The following LDAH variants were observed in gnomAD, a reference collection of about 807,000 sequenced individuals.
The protein encoded by LDAH is lipid droplet associated hydrolase, also known as lipid droplet-associated hydrolase.
In LDAH, 26 loss-of-function variants were observed where a neutral mutation model predicts 29.6. The observed-to-expected ratio is 0.88, with a 90% CI of 0.64 to 1.22. The LOEUF (loss-of-function observed/expected upper bound fraction) is 1.22. LDAH is among the 50% of genes most tolerant of loss of function. The pLI, the probability that LDAH is intolerant of heterozygous loss-of-function variation, is 0.00. For synonymous variants in LDAH, 117 were observed against 133.0 expected (o/e 0.88, Z 0.83); for missense variants, 344 against 387.3 (o/e 0.89, Z 0.94).
chr2:20,685,396 T>C lies in LDAH; in HGVS notation c.*1507A>G. ...TGCAGATGCCAATAAAGGATCTGTGTACAGCCCTGTGCTTACGGCCTATGT... is the reference window on the plus strand; with the variant it reads ...TGCAGATGCCAATAAAGGATCTGTGCACAGCCCTGTGCTTACGGCCTATGT... On this transcript the variant is annotated 3_prime_UTR_variant, in exon 7 of 7. Coordinates refer to ENST00000237822, the MANE Select transcript of LDAH (RefSeq NM_021925.4). 1.0e-6 allele frequency: 1 copy of C among 962,310 alleles called. No homozygotes were observed. The highest frequency in any genetic ancestry group is 2.6e-5 in the East Asian group (1 of 37,758). 59.6% of individuals were successfully genotyped at this position (962,310 alleles called of 1,614,324 possible).
intron 4 of LDAH, among the ~76,000 whole-genome samples, chr2:20,765,785 A>G (rs1158579445): frequency 6.6e-6 from 1 of 152,154 alleles, no homozygotes; most frequent in Non-Finnish European, 1.5e-5. Context: ...GCTTTCTTAC[A>G]CAGCAGCTGG....
chr2:20,766,919 C>G (rs340591), intron 4 of LDAH, among the ~76,000 whole-genome samples: 1 of 152,188 alleles, frequency 6.6e-6, no homozygotes, highest in Non-Finnish European at 1.5e-5. Context: ...GGGGGCTCTG[C>G]GCAGGGCCGC....
chr2:20,768,374 G>A (rs1669182385), intron 4 of LDAH, among the ~76,000 whole-genome samples: 1 of 152,164 alleles, frequency 6.6e-6, no homozygotes, highest in East Asian at 1.9e-4. Context: ...GCATTCCCTG[G>A]TGCCAGCTGG....
chr2:20,732,689 C>A (rs914693486), intron 5 of LDAH, among the ~76,000 whole-genome samples: 2 of 152,040 alleles, frequency 1.3e-5, no homozygotes, highest in South Asian at 2.1e-4. Flanking sequence ...TTCACAGTAG[C>A]CTTTATTATC....
At chr2:20,710,652 T>G (rs371510307) in intron 5 of LDAH, among the ~76,000 whole-genome samples, 4,783 of 135,256 alleles carry the variant, frequency 0.035, 148 homozygotes, top group East Asian at 0.13. Context: ...AGTATACATA[T>G]ATATACACAT....
At chr2:20,817,829 G>A (rs923495117) in intron 1 of LDAH, among the ~76,000 whole-genome samples, 7 of 152,100 alleles carry the variant, frequency 4.6e-5, no homozygotes, top group African/African-American at 1.7e-4. Flanking sequence ...AATAAATAAA[G>A]AAATGCATGA....
intron 4 of LDAH, among the ~76,000 whole-genome samples, chr2:20,747,056 G>A (rs971012048): frequency 6.6e-6 from 1 of 152,004 alleles, no homozygotes; most frequent in Non-Finnish European, 1.5e-5. Flanking sequence ...TAGAAAAGGA[G>A]CTAAGAAACA....
At chr2:20,713,569 C>A (rs2149381177) in intron 5 of LDAH, among the ~76,000 whole-genome samples, 1 of 152,218 alleles carries the variant, frequency 6.6e-6, no homozygotes, top group South Asian at 2.1e-4. Context: ...ACTAAATGCC[C>A]CAATTAAAAG....
intron 5 of LDAH, among the ~76,000 whole-genome samples, chr2:20,713,372 A>C (rs1241099185): frequency 2.6e-5 from 4 of 152,208 alleles, no homozygotes; most frequent in Non-Finnish European, 4.4e-5. Context: ...GCCTTACAAG[A>C]GCTCCTGAAG....
intron 4 of LDAH, among the ~76,000 whole-genome samples, chr2:20,750,285 C>T (rs1667885064): frequency 6.6e-6 from 1 of 152,156 alleles, no homozygotes; most frequent in African/African-American, 2.4e-5. Flanking sequence ...CTCAGCCTCC[C>T]AAAGTGTTGG....
At chr2:20,799,780 C>G (rs1671543020) in intron 2 of LDAH, among the ~76,000 whole-genome samples, 1 of 151,046 alleles carries the variant, frequency 6.6e-6, no homozygotes, top group African/African-American at 2.4e-5. Context: ...TTTTTTTTTC[C>G]TCCTAATGAA....
intron 4 of LDAH, among the ~76,000 whole-genome samples, chr2:20,761,635 T>A (rs956976949): frequency 2.0e-5 from 3 of 152,188 alleles, no homozygotes; most frequent in African/African-American, 7.2e-5. Context: ...TAAGAAGGAC[T>A]GCACTGAACT....
intron 4 of LDAH, among the ~76,000 whole-genome samples, chr2:20,747,492 A>G (rs1444895675): frequency 6.6e-6 from 1 of 152,192 alleles, no homozygotes; most frequent in Non-Finnish European, 1.5e-5. Flanking sequence ...GCCTTCAAAG[A>G]TAAACTTGCT....
chr2:20,726,093 G>A, intron 5 of LDAH, among the ~76,000 whole-genome samples: 1 of 152,196 alleles, frequency 6.6e-6, no homozygotes. Context: ...TGATAAAAGT[G>A]AATAGAAATA....
Position 20,791,579 on chromosome 2 carries a change from T to C in LDAH, c.155-1181A>G, listed in dbSNP as rs544788295. On this transcript the variant is annotated intron_variant, in intron 2 of 6. Transcript: ENST00000237822. ...TTTGTGATGGTGCTTTTGGCTTCTT[T>C]GTCAAATAGGATGAAAACTTCCTCA... Among the ~76,000 whole-genome samples the C allele has an allele frequency of 5.3e-5, 8 of 152,344 alleles. No individual in the cohort carries two copies. The East Asian group carries it at 1.3e-3, about 26-fold the overall frequency.
At chr2:20,719,653 AG>A (rs761616809) in intron 5 of LDAH, among the ~76,000 whole-genome samples, 13 of 152,094 alleles carry the variant, frequency 8.5e-5, no homozygotes, top group Admixed American at 7.9e-4. Context: ...CATGATACCA[AG>A]ACCAGACAAG....
downstream of LDAH, among the ~76,000 whole-genome samples, chr2:20,683,719 T>C (rs1234951943): frequency 1.3e-5 from 2 of 152,136 alleles, no homozygotes; most frequent in Admixed American, 1.3e-4. Context: ...GGTCCTCTGC[T>C]ACACTAAAGA....
At chr2:20,808,861 T>C (rs1271580657) in intron 1 of LDAH, among the ~76,000 whole-genome samples, 2 of 151,818 alleles carry the variant, frequency 1.3e-5, no homozygotes, top group Non-Finnish European at 2.9e-5. Context: ...TGCAGAGGAG[T>C]AAGGAAAACA....
rs150344963 is a variant in LDAH, at chr2:20,783,234, C to T, written c.298+7021G>A. ...GTTTCTTAAGGTATGTTTTATGGCC[C>T]GGAATGTAGTCTATCTTGGTGAATG... is the stretch of plus-strand genomic sequence containing the variant. On this transcript the variant is annotated intron_variant, in intron 3 of 6. Transcript: ENST00000237822. 5.0e-3 allele frequency among the ~76,000 whole-genome samples: 764 copies of T among 152,122 alleles called. 6 individuals are homozygous for T. Among genetic ancestry groups the T allele is most frequent in the African/African-American group, 0.017 (725 of 41,504 alleles).
Sources: gnomAD v4.1 joint callset for allele counts (sites outside exome capture counted in the v4.1 genomes callset) on GRCh38, gnomAD v4.1.1 for gene constraint, MANE v1.5 for transcripts, NCBI Gene and HGNC (gene_info 2026-07-23, HGNC 2026-07-21) for gene names.